Variants in TCF7L2 observed in about 807,000 individuals in gnomAD.
TCF7L2 encodes the protein transcription factor 7 like 2.
Under a neutral mutation model 77.9 loss-of-function variants are expected in TCF7L2, and 23 were observed. The observed-to-expected ratio is 0.30, with a 90% CI of 0.21 to 0.42. The LOEUF is 0.42. Ranked by LOEUF, TCF7L2 falls within the 10% of genes least tolerant of loss-of-function variation. The pLI, the probability that TCF7L2 is intolerant of heterozygous loss-of-function variation, is 1.00. For synonymous variants in TCF7L2, 413 were observed against 340.2 expected (o/e 1.21, Z -2.36); for missense variants, 654 against 793.1 (o/e 0.82, Z 2.11).
chr10:113,041,391 A>T (rs1414580955), intron 5 of TCF7L2, among the ~76,000 whole-genome samples: 5 of 152,200 alleles, frequency 3.3e-5, no homozygotes, highest in African/African-American at 1.2e-4. Flanking sequence ...AAGTGACCTT[A>T]GATCATTTAG....
intron 13 of TCF7L2, 25 bp from the exon 15 acceptor site, chr10:113,165,530 A>G (rs1000085050): frequency 6.2e-7 from 1 of 1,612,064 alleles, no homozygotes; most frequent in Non-Finnish European, 8.5e-7. Context: ...CTCTATTCAC[A>G]GATAACTCTC....
At chr10:113,016,564 G>A (rs913445752) in intron 4 of TCF7L2, among the ~76,000 whole-genome samples, 10 of 152,038 alleles carry the variant, frequency 6.6e-5, no homozygotes, top group East Asian at 3.9e-4. Context: ...ATGCCGAGGC[G>A]GGCACCCTGA....
At chr10:113,096,526 G>A (rs192945854) in intron 5 of TCF7L2, among the ~76,000 whole-genome samples, 12 of 152,072 alleles carry the variant, frequency 7.9e-5, no homozygotes, top group Admixed American at 7.9e-4. Flanking sequence ...TCTCTGTCAC[G>A]TCTCTGAAAG....
chr10:113,047,285 T>C (rs2134438670), intron 5 of TCF7L2, among the ~76,000 whole-genome samples: 1 of 152,322 alleles, frequency 6.6e-6, no homozygotes, highest in Middle Eastern at 3.4e-3. Context: ...CATTTATAAC[T>C]ACGAGCAGTA....
chr10:113,089,012 G>T (rs1397652930), intron 5 of TCF7L2, among the ~76,000 whole-genome samples: 1 of 151,928 alleles, frequency 6.6e-6, no homozygotes, highest in African/African-American at 2.4e-5. Context: ...TTGTATTTTT[G>T]TAGGACAGAA....
intron 4 of TCF7L2, among the ~76,000 whole-genome samples, chr10:112,981,524 T>C (rs1343333383): frequency 6.6e-6 from 1 of 152,216 alleles, no homozygotes; most frequent in African/African-American, 2.4e-5. Context: ...GTTTATTTAA[T>C]AGTCATAAAT....
At chr10:113,003,439 C>T (rs2044867533) in intron 4 of TCF7L2, among the ~76,000 whole-genome samples, 1 of 152,196 alleles carries the variant, frequency 6.6e-6, no homozygotes, top group African/African-American at 2.4e-5. Flanking sequence ...GGGATGGTCT[C>T]TGAGGTTGGG....
intron 4 of TCF7L2, among the ~76,000 whole-genome samples, chr10:112,983,237 C>T (rs1016765051): frequency 2.0e-5 from 3 of 151,650 alleles, no homozygotes; most frequent in East Asian, 1.9e-4. Flanking sequence ...TTTGGGAGGC[C>T]GAGGCGGGCA....
intron 4 of TCF7L2, among the ~76,000 whole-genome samples, chr10:112,976,559 A>G (rs1298317451): frequency 2.0e-5 from 3 of 152,220 alleles, no homozygotes; most frequent in African/African-American, 7.2e-5. Context: ...TTCCTGGGAC[A>G]TCGTAGGTGT....
At chr10:113,013,820 G>A (rs943891879) in intron 4 of TCF7L2, among the ~76,000 whole-genome samples, 1 of 152,162 alleles carries the variant, frequency 6.6e-6, no homozygotes, top group Non-Finnish European at 1.5e-5. Context: ...CATGTATTGA[G>A]ATGATATTAT....
intron 4 of TCF7L2, among the ~76,000 whole-genome samples, chr10:113,017,688 C>T (rs1590507799): frequency 6.6e-6 from 1 of 152,090 alleles, no homozygotes; most frequent in South Asian, 2.1e-4. Context: ...GGATGTGTGC[C>T]CAGCAGAGAG....
chr10:112,997,281 A>G (rs1403570645), intron 4 of TCF7L2, among the ~76,000 whole-genome samples: 2 of 152,254 alleles, frequency 1.3e-5, no homozygotes, highest in Admixed American at 1.3e-4. Flanking sequence ...CAGGGACATC[A>G]GCATTTTAAA....
chr10:113,060,235 A>G (rs2056208271), intron 5 of TCF7L2, among the ~76,000 whole-genome samples: 1 of 152,210 alleles, frequency 6.6e-6, no homozygotes, highest in African/African-American at 2.4e-5. Flanking sequence ...TGAGAGAAGG[A>G]ATTGCAGGCA....
Position 113,118,677 on chromosome 10 carries a change from T to G in TCF7L2, c.553-22507T>G, listed in dbSNP as rs969566449. 5.4e-4 allele frequency among the ~76,000 whole-genome samples: 48 copies of G among 89,030 alleles called. 1 individual carries two copies. In the East Asian group the frequency reaches 7.1e-3, roughly 13 times the overall value. 58.4% of individuals were successfully genotyped at this position (89,030 alleles called of 152,430 possible). Reference sequence around the variant, plus strand: ...TTGTTTTTTTTTGTTTTTTTTTTTTTGTTTTTTTTATTTTATTTTATTCCC... The same window carrying G: ...TTGTTTTTTTTTGTTTTTTTTTTTTGGTTTTTTTTATTTTATTTTATTCCC... On this transcript the variant is annotated intron_variant, in intron 5 of 13. Transcript: ENST00000627217.
chr10:112,955,676 A>G (rs1279674347), intron 3 of TCF7L2, among the ~76,000 whole-genome samples: 1 of 152,054 alleles, frequency 6.6e-6, no homozygotes, highest in Non-Finnish European at 1.5e-5. Context: ...CCTTGATTTT[A>G]ATTTTACTGA....
chr10:113,127,103 TAAAACAAAAC>T (rs562847301), intron 5 of TCF7L2: 1 of 211,666 alleles, frequency 4.7e-6, no homozygotes, highest in South Asian at 1.6e-4. Flanking sequence ...AGCCTCTCTT[TAAAACAAAAC>T]AAAACAAAAC....
At chr10:112,952,514 C>G (rs933131288) in intron 3 of TCF7L2, among the ~76,000 whole-genome samples, 2 of 152,176 alleles carry the variant, frequency 1.3e-5, no homozygotes, top group African/African-American at 2.4e-5. Flanking sequence ...ATGGACTCCT[C>G]CAAGCGGACT....
intron 5 of TCF7L2, among the ~76,000 whole-genome samples, chr10:113,099,488 G>A (rs965282200): frequency 6.6e-6 from 1 of 152,168 alleles, no homozygotes; most frequent in Non-Finnish European, 1.5e-5. Flanking sequence ...CCAGGCTCTG[G>A]AACAAGCTGC....
chr10:113,056,844 A>C (rs1163220256), intron 5 of TCF7L2, among the ~76,000 whole-genome samples: 1 of 152,034 alleles, frequency 6.6e-6, no homozygotes, highest in Non-Finnish European at 1.5e-5. Context: ...AGGCTGGGAG[A>C]GGCTGCCTGG....
Sources: gnomAD v4.1 joint callset for allele counts (sites outside exome capture counted in the v4.1 genomes callset) on GRCh38, gnomAD v4.1.1 for gene constraint, MANE v1.5 for transcripts, NCBI Gene and HGNC (gene_info 2026-07-23, HGNC 2026-07-21) for gene names.